Variants in KCNK16 observed in about 807,000 individuals in gnomAD.
KCNK16 encodes potassium two pore domain channel subfamily K member 16.
Under a neutral mutation model 23.0 loss-of-function variants are expected in KCNK16, and 23 were observed. That is an observed-to-expected ratio of 1.00 (90% confidence interval 0.72 to 1.41). The LOEUF is 1.41. Among genes scored for constraint, KCNK16 ranks in the 40% most tolerant of loss-of-function variants. KCNK16 has a pLI of 0.00. For missense variants in KCNK16, 327 were observed against 365.8 expected (o/e 0.89, Z 0.87); for synonymous variants, 145 against 153.5 (o/e 0.94, Z 0.41).
intron 1 of KCNK16, among the ~76,000 whole-genome samples, chr6:39,321,713 C>T (rs955316817): frequency 3.9e-5 from 6 of 152,224 alleles, no homozygotes; most frequent in Admixed American, 1.3e-4. Context: ...GGGGGTGACC[C>T]ACTCTGTTAC....
rs111983106 is a variant in KCNK16, at chr6:39,317,858, G to A, written c.423C>T (p.Asn141=). The change falls in exon 3 of 5, where the codon AAC becomes AAT. Residue 141 remains asparagine (N), a synonymous_variant. Coordinates refer to ENST00000437525, the MANE Select transcript of KCNK16 (RefSeq NM_001135106.2). ...LGIPLNVIFL[N]HLGTGLRAHL... ...GGGCACGCAGCCCTGTGCCCAGGTGGTTGAGGAAGATCACGTTAAGCGGGA... is the reference window on the plus strand; with the variant it reads ...GGGCACGCAGCCCTGTGCCCAGGTGATTGAGGAAGATCACGTTAAGCGGGA... 34 of 1,613,834 alleles carry A rather than the reference G, an allele frequency of 2.1e-5. No individual in the cohort carries two copies. In the African/African-American group the frequency reaches 3.2e-4, roughly 15 times the overall value.
downstream of KCNK16, chr6:39,315,143 C>T (rs769332342): frequency 1.2e-6 from 2 of 1,614,230 alleles, no homozygotes; most frequent in Non-Finnish European, 1.7e-6. Context: ...TGCAGAGGAA[C>T]CCAGCCACAT....
chr6:39,315,533 C>G, downstream of KCNK16: 4 of 1,141,248 alleles, frequency 3.5e-6, no homozygotes, highest in Non-Finnish European at 2.4e-6. Context: ...GCAAGGGGAG[C>G]TGGCGAGCTT....
At chr6:39,318,170 C>T (rs575366197) in intron 2 of KCNK16, among the ~76,000 whole-genome samples, 1 of 152,342 alleles carries the variant, frequency 6.6e-6, no homozygotes, top group East Asian at 1.9e-4. Flanking sequence ...ATGAAGCCCT[C>T]CTGACTGCCG....
rs1762451914 is a variant in KCNK16 at position 39,319,822 on chromosome 6, A to G, written c.214-689T>C. On this transcript the variant is annotated intron_variant, in intron 1 of 4. Transcript: ENST00000437525. This position sits in a 1 kb window ranked among gnomAD's most constrained non-coding sequence, Gnocchi z 4.2. ...GTTGTATGCACGTGTTGTGCATGGC[A>G]ACTGTATGTTGCACATGTGTGCATG... Among the ~76,000 whole-genome samples, 1 of 150,198 alleles carries G rather than the reference A, an allele frequency of 6.7e-6. No homozygotes were observed.
intron 4 of KCNK16, 88 bp downstream of exon 4, chr6:39,316,694 C>T: frequency 2.0e-6 from 3 of 1,464,078 alleles, no homozygotes; most frequent in South Asian, 2.6e-5. Flanking sequence ...ATCTTATCCT[C>T]AATAGTTGTC....
chr6:39,322,262 A>G, intron 1 of KCNK16, 66 bp downstream of exon 1: 1 of 1,564,826 alleles, frequency 6.4e-7, no homozygotes, highest in Non-Finnish European at 8.7e-7. Context: ...TGGATCTGCC[A>G]CAGGAACCCC....
downstream of KCNK16, chr6:39,316,082 T>C: frequency 7.7e-7 from 1 of 1,291,546 alleles, no homozygotes; most frequent in South Asian, 1.7e-5. Flanking sequence ...CCTTTCTCTC[T>C]TGGGAGAGCT....
rs11755807 is a variant in KCNK16, at chr6:39,319,589, G to T, written c.214-456C>A. 6.6e-6 allele frequency among the ~76,000 whole-genome samples: 1 copy of T among 152,154 alleles called. No homozygotes were observed. The highest frequency in any genetic ancestry group is 2.1e-4 in the South Asian group (1 of 4,834). On this transcript the variant is annotated intron_variant, in intron 1 of 4. Transcript: ENST00000437525. This position sits in a 1 kb window ranked among gnomAD's most constrained non-coding sequence, Gnocchi z 4.2. ...TTTAGGGACCACAGGGAAGCCATGGGCTGCCTGCTATGAAGCTAATGGTGG... is the reference window on the plus strand; with the variant it reads ...TTTAGGGACCACAGGGAAGCCATGGTCTGCCTGCTATGAAGCTAATGGTGG...
At chr6:39,322,813 A>G (rs1477064137), upstream of KCNK16, 2 of 455,488 alleles carry the variant, frequency 4.4e-6, no homozygotes, top group Non-Finnish European at 4.0e-6. Context: ...GGACCCTTCA[A>G]AGAGACCTAC....
chr6:39,321,053 C>T (rs1343712040), intron 1 of KCNK16, among the ~76,000 whole-genome samples: 2 of 152,210 alleles, frequency 1.3e-5, no homozygotes, highest in Non-Finnish European at 2.9e-5. Flanking sequence ...ACCCAGCCCA[C>T]GCATCATCTT....
upstream of KCNK16, chr6:39,322,899 G>C (rs541610485): frequency 1.2e-5 from 3 of 252,158 alleles, no homozygotes; most frequent in Admixed American, 9.4e-5. Flanking sequence ...AATCGGATAG[G>C]TGTGCTCACT....
chr6:39,316,318 G>A lies in KCNK16; in HGVS notation c.786C>T (p.Cys262=), dbSNP rs1408504953. ...GGCCCCTACTGAGCAGCCAGAGCTG[G>A]CAGCATCTGTGCAGAAGCAGGGGGC... ...PLGPLLLHRC[C]QLWLLSRGLG... is the part of the protein sequence containing the mutation. Residue 262 remains cysteine, a synonymous_variant, in exon 5 of 5, where the codon TGC becomes TGT. Transcript: ENST00000437525. The A allele has an allele frequency of 6.2e-7, 1 of 1,609,622 alleles. No individual in the cohort carries two copies. The highest frequency in any genetic ancestry group is 1.7e-5 in the Admixed American group (1 of 59,438).
In KCNK16 at chr6:39,316,762, T is replaced by C; in HGVS notation, c.661+20A>G. On this transcript the variant is annotated intron_variant, in intron 4 of 4. Transcript: ENST00000437525. ...AGTGGGCACCCCCACCCTGAGATAA[T>C]GTGACTGTTTTGTTCTCACCAACAA... 2 of 1,608,694 alleles carry C rather than the reference T, an allele frequency of 1.2e-6. No homozygotes were observed. The highest frequency in any genetic ancestry group is 2.2e-5 in the South Asian group (2 of 90,362).
At chr6:39,320,994 G>A (rs1005258545) in intron 1 of KCNK16, among the ~76,000 whole-genome samples, 1 of 152,168 alleles carries the variant, frequency 6.6e-6, no homozygotes, top group Non-Finnish European at 1.5e-5. Flanking sequence ...CCTGAAGCTG[G>A]AGGCCTCACT....
chr6:39,315,110 T>G, downstream of KCNK16: 1 of 1,613,836 alleles, frequency 6.2e-7, no homozygotes, highest in Non-Finnish European at 8.5e-7. Context: ...CCGCCTTGGC[T>G]CCACAGCCTT....
intron 3 of KCNK16, among the ~76,000 whole-genome samples, chr6:39,317,511 T>C (rs1762362868): frequency 6.6e-6 from 1 of 152,190 alleles, no homozygotes; most frequent in Admixed American, 6.5e-5. Context: ...CAGTGCCTGA[T>C]TGAGGCAGGT....
chr6:39,315,569 G>T, downstream of KCNK16: 1 of 697,348 alleles, frequency 1.4e-6, no homozygotes. Context: ...CTGCCCCTCG[G>T]CTGAGAGCTT....
rs938003431 is a variant in KCNK16, at chr6:39,319,557, C to G, written c.214-424G>C. On this transcript the variant is annotated intron_variant, in intron 1 of 4. Coordinates refer to ENST00000437525, the MANE Select transcript of KCNK16 (RefSeq NM_001135106.2). The surrounding 1 kb of genome is among the most constrained non-coding windows in gnomAD (Gnocchi z 4.2). ...ATGTCTGGAAGGGATTGCTGGGGAA[C>G]ACAGGGTTTAGGGACCACAGGGAAG... 6.6e-6 allele frequency among the ~76,000 whole-genome samples: 1 copy of G among 152,112 alleles called. No homozygotes were observed. Among genetic ancestry groups the G allele is most frequent in the African/African-American group, 2.4e-5 (1 of 41,406 alleles).
Sources: allele counts gnomAD v4.1 joint callset (sites outside exome capture counted in the v4.1 genomes callset), GRCh38; gene constraint gnomAD v4.1.1; non-coding constraint Gnocchi (gnomAD v3.1); transcripts MANE v1.5; gene names NCBI Gene and HGNC (gene_info 2026-07-23, HGNC 2026-07-21).